The following CBFA2T3 variants were observed in gnomAD, a reference collection of about 807,000 sequenced individuals.
The protein encoded by CBFA2T3 is CBFA2/RUNX1 partner transcriptional co-repressor 3.
CBFA2T3 carries 31 observed loss-of-function variants against 58.6 expected under a neutral mutation model. The ratio of observed to expected loss-of-function variants is 0.53; its 90% CI spans 0.40 to 0.71. The LOEUF is 0.71. Ranked by LOEUF, CBFA2T3 falls within the 30% of genes least tolerant of loss-of-function variation. The pLI is 0.00. For missense variants in CBFA2T3, 1,076 were observed against 963.1 expected (o/e 1.12, Z -1.55); for synonymous variants, 531 against 421.9 (o/e 1.26, Z -3.17).
At chr16:88,917,884 G>A (rs975215215) in intron 1 of CBFA2T3, among the ~76,000 whole-genome samples, 3 of 152,142 alleles carry the variant, frequency 2.0e-5, no homozygotes, top group East Asian at 1.9e-4. Context: ...GGGTGCGGAC[G>A]AGAGTGTGGG....
Position 88,894,437 on chromosome 16 carries a change from AATGT to A in CBFA2T3, c.380-1956_380-1953del, listed in dbSNP as rs1969790919. On this transcript the variant is annotated intron_variant, in intron 3 of 11. Coordinates refer to ENST00000268679, the MANE Select transcript of CBFA2T3 (RefSeq NM_005187.6). ...CATGCATACATATACACATGCACAC[AATGT>A]ACACACATGCACGCACACATGCATA... Among the ~76,000 whole-genome samples the A allele has an allele frequency of 1.9e-5, 2 of 107,928 alleles. 1 individual carries two copies. The highest frequency in any genetic ancestry group is 9.0e-5 in the African/African-American group (2 of 22,232). The allele number at this position is 107,928 out of a possible 152,430, so 70.8% of individuals were successfully genotyped here. A position where few individuals can be genotyped will look rare whatever the true frequency, so the allele number is the denominator to read the frequency against.
At position 88,876,713 on chromosome 16, in the gene CBFA2T3, T is replaced by C. The variant is rs1365533693; in HGVS notation, c.*263A>G. ...AAAGCTCAGTCGAGGCTTCTGAGGA[T>C]GCTTGAAGAGACGTTGTCAGGAGGT... On this transcript the variant is annotated 3_prime_UTR_variant, in exon 12 of 12. Transcript: ENST00000268679. 4.6e-6 allele frequency: 2 copies of C among 437,456 alleles called. No homozygotes were observed. The highest frequency in any genetic ancestry group is 4.1e-5 in the African/African-American group (2 of 48,578). 27.1% of individuals were successfully genotyped at this position (437,456 alleles called of 1,614,324 possible).
At chr16:88,966,482 C>T (rs1658798788) in intron 1 of CBFA2T3, among the ~76,000 whole-genome samples, 1 of 119,986 alleles carries the variant, frequency 8.3e-6, no homozygotes, top group African/African-American at 4.9e-5. Context: ...CCTGGGGTGA[C>T]CACCAAACCC....
At position 88,879,336 on chromosome 16, in the gene CBFA2T3, G is replaced by C. The variant is rs747482443; in HGVS notation, c.1596C>G (p.Ala532=). Reference sequence around the variant, plus strand: ...CCTCGGAGGCCTGCCGCTTCGCCTCGGCCAGGGCCCGCTCCATCTTGGCAC... The same window carrying C: ...CCTCGGAGGCCTGCCGCTTCGCCTCCGCCAGGGCCCGCTCCATCTTGGCAC... ...TERAKMERAL[A]EAKRQASEDA... The change falls in exon 11 of 12, where the codon GCC becomes GCG. Residue 532 remains alanine, a synonymous_variant. Coordinates refer to ENST00000268679, the MANE Select transcript of CBFA2T3 (RefSeq NM_005187.6). The C allele has an allele frequency of 3.7e-6, 6 of 1,611,590 alleles. No individual in the cohort carries two copies. The African/African-American group carries it at 8.0e-5, about 22-fold the overall frequency.
intron 1 of CBFA2T3, among the ~76,000 whole-genome samples, chr16:88,906,838 G>A (rs1303561642): frequency 6.6e-6 from 1 of 152,192 alleles, no homozygotes; most frequent in Non-Finnish European, 1.5e-5. Context: ...AAACGGTCCC[G>A]ATGCCAGCCA....
chr16:88,935,343 A>T lies in CBFA2T3; in HGVS notation c.152-33687T>A, dbSNP rs941322386. ...CAAGGGGAGGGGCCCGGCAATCCCC[A>T]GGCCTGGTGAGAGCCCCCCACCACC... is the stretch of plus-strand genomic sequence containing the variant. On this transcript the variant is annotated intron_variant, in intron 1 of 11. Transcript: ENST00000268679. 5.3e-5 allele frequency among the ~76,000 whole-genome samples: 8 copies of T among 152,150 alleles called. 1 individual carries two copies. Among genetic ancestry groups the T allele is most frequent in the Admixed American group, 4.6e-4 (7 of 15,284 alleles).
chr16:88,913,580 G>A (rs532191996), intron 1 of CBFA2T3, among the ~76,000 whole-genome samples: 47 of 152,254 alleles, frequency 3.1e-4, no homozygotes, highest in African/African-American at 1.1e-3. Context: ...GTCTCTAGCC[G>A]AACCAGGCCT....
intron 1 of CBFA2T3, among the ~76,000 whole-genome samples, chr16:88,931,393 A>G (rs1331165311): frequency 2.0e-5 from 3 of 152,110 alleles, no homozygotes; most frequent in African/African-American, 7.2e-5. Flanking sequence ...CAGAGACACA[A>G]GCACACCCTT....
At chr16:88,970,406 C>T (rs1972621001) in intron 1 of CBFA2T3, among the ~76,000 whole-genome samples, 3 of 152,188 alleles carry the variant, frequency 2.0e-5, no homozygotes, top group South Asian at 4.1e-4. Context: ...TCCTGAGATG[C>T]GACCTCAGCT....
intron 8 of CBFA2T3, among the ~76,000 whole-genome samples, chr16:88,882,405 G>A (rs1471556146): frequency 6.6e-6 from 1 of 151,470 alleles, no homozygotes; most frequent in African/African-American, 2.4e-5. Flanking sequence ...GTGTGTGTGG[G>A]TGTGGCTGTG....
At chr16:88,963,952 A>G (rs1226889903) in intron 1 of CBFA2T3, among the ~76,000 whole-genome samples, 3 of 152,190 alleles carry the variant, frequency 2.0e-5, no homozygotes, top group African/African-American at 7.2e-5. Flanking sequence ...TCTCGCTTGC[A>G]GTGCATCTTG....
chr16:88,936,344 G>A (rs1308774491), intron 1 of CBFA2T3, among the ~76,000 whole-genome samples: 1 of 152,150 alleles, frequency 6.6e-6, no homozygotes, highest in African/African-American at 2.4e-5. Flanking sequence ...CCCGGTGCCT[G>A]GACTTCCTCC....
chr16:88,885,714 C>T lies in CBFA2T3; in HGVS notation c.893+247G>A. The T allele has an allele frequency of 1.9e-6, 1 of 531,968 alleles. No homozygotes were observed. The highest frequency in any genetic ancestry group is 2.3e-5 in the South Asian group (1 of 43,490). 33.0% of individuals were successfully genotyped at this position (531,968 alleles called of 1,614,324 possible). On this transcript the variant is annotated intron_variant, in intron 6 of 11. Coordinates refer to ENST00000268679, the MANE Select transcript of CBFA2T3 (RefSeq NM_005187.6). The surrounding 1 kb of genome is among the most constrained non-coding windows in gnomAD (Gnocchi z 5.3). ...CCGGCACACAGGGGAGAGCCGTCCTCCCACCAGCCTCCTCCCTGTCCTCCT... is the reference window on the plus strand; with the variant it reads ...CCGGCACACAGGGGAGAGCCGTCCTTCCACCAGCCTCCTCCCTGTCCTCCT...
At chr16:88,922,570 T>G (rs1439583105) in intron 1 of CBFA2T3, among the ~76,000 whole-genome samples, 2 of 152,232 alleles carry the variant, frequency 1.3e-5, no homozygotes, top group Non-Finnish European at 2.9e-5. Context: ...GCAAGCAGTC[T>G]GCCTCTCCTA....
chr16:88,881,547 TC>T, intron 8 of CBFA2T3, 58 bp from the exon 9 acceptor site: 8 of 1,526,038 alleles, frequency 5.2e-6, no homozygotes, highest in Non-Finnish European at 3.6e-6. Flanking sequence ...CACCAGACAC[TC>T]CCCCAGCCCA....
chr16:88,974,834 G>C (rs902504991), intron 1 of CBFA2T3, among the ~76,000 whole-genome samples: 12 of 152,106 alleles, frequency 7.9e-5, no homozygotes, highest in Non-Finnish European at 1.6e-4. Flanking sequence ...GCATCACAAG[G>C]CTCCCACATC....
chr16:88,960,236 C>T (rs1234068356), intron 1 of CBFA2T3, among the ~76,000 whole-genome samples: 1 of 152,096 alleles, frequency 6.6e-6, no homozygotes, highest in Non-Finnish European at 1.5e-5. Context: ...GCTGGGAGGG[C>T]AGGGCACTCT....
intron 1 of CBFA2T3, among the ~76,000 whole-genome samples, chr16:88,968,321 C>G (rs909720413): frequency 2.0e-5 from 3 of 152,236 alleles, no homozygotes; most frequent in African/African-American, 7.2e-5. Context: ...AAGCGGCTGC[C>G]TGCTGTCTCC....
At position 88,875,304 on chromosome 16, in the gene CBFA2T3, A is replaced by G. The variant is rs1010411750; in HGVS notation, c.*1672T>C. 1 of 233,380 alleles carries G rather than the reference A, an allele frequency of 4.3e-6. No homozygotes were observed. The highest frequency in any genetic ancestry group is 8.5e-6 in the Non-Finnish European group (1 of 118,126). 14.5% of individuals were successfully genotyped at this position (233,380 alleles called of 1,614,324 possible). A position where few individuals can be genotyped will look rare whatever the true frequency, so the allele number is the denominator to read the frequency against. On this transcript the variant is annotated 3_prime_UTR_variant, in exon 12 of 12. Transcript: ENST00000268679. The stretch of plus-strand genomic sequence containing the variant: ...TCTTTATCCCTTTATTTCCTTCTTG[A>G]AATCGCTGAGGCAGTTGAGAGGAGT...
Sources: gnomAD v4.1 joint callset for allele counts (sites outside exome capture counted in the v4.1 genomes callset) on GRCh38, gnomAD v4.1.1 for gene constraint, Gnocchi (gnomAD v3.1) non-coding constraint, MANE v1.5 for transcripts, NCBI Gene and HGNC (gene_info 2026-07-23, HGNC 2026-07-21) for gene names.